The following AK5 variants were observed in gnomAD, a reference collection of about 807,000 sequenced individuals.
The protein encoded by AK5 is adenylate kinase 5.
AK5 carries 27 observed loss-of-function variants against 69.5 expected under a neutral mutation model. The observed-to-expected ratio is 0.39, with a 90% CI of 0.29 to 0.54. The LOEUF (loss-of-function observed/expected upper bound fraction) is 0.54, where lower values mean the gene tolerates loss of function less well. Among genes scored for constraint, AK5 ranks in the 20% least tolerant of loss-of-function variants. The probability of loss-of-function intolerance (pLI) is 0.71; values close to 1 mark genes in which losing one functional copy is unlikely to be tolerated. For synonymous variants in AK5, 260 were observed against 244.4 expected (o/e 1.06, Z -0.60); for missense variants, 531 against 700.4 (o/e 0.76, Z 2.73).
intron 6 of AK5, among the ~76,000 whole-genome samples, chr1:77,385,224 A>G (rs1176250973): frequency 1.3e-5 from 2 of 152,072 alleles, no homozygotes; most frequent in African/African-American, 4.8e-5. Flanking sequence ...CAGTGGCACA[A>G]TCTCGGCTCA....
intron 5 of AK5, among the ~76,000 whole-genome samples, chr1:77,335,545 G>A (rs1661304913): frequency 6.6e-6 from 1 of 152,080 alleles, no homozygotes; most frequent in African/African-American, 2.4e-5. Flanking sequence ...ACTTTCTGGG[G>A]TCTTCACATC....
At chr1:77,310,443 G>A (rs904178791) in intron 5 of AK5, among the ~76,000 whole-genome samples, 2 of 151,816 alleles carry the variant, frequency 1.3e-5, no homozygotes, top group East Asian at 1.9e-4. Context: ...GCAGTGATGC[G>A]ATCTCGGCTC....
intron 13 of AK5, 38 bp downstream of exon 13, chr1:77,536,076 TA>T (rs1172903193): frequency 6.6e-7 from 1 of 1,524,988 alleles, no homozygotes; most frequent in South Asian, 1.3e-5. Context: ...ATGAGCCGCT[TA>T]CCTTTTTTTT....
chr1:77,438,424 A>G (rs1389312034), intron 8 of AK5, among the ~76,000 whole-genome samples: 4 of 151,858 alleles, frequency 2.6e-5, no homozygotes, highest in Non-Finnish European at 5.9e-5. Flanking sequence ...AAAAACTGGC[A>G]TGCCTTAATG....
In AK5 at chr1:77,482,070, A is replaced by T. The variant is rs116201190; in HGVS notation, c.1060-1247A>T. Among the ~76,000 whole-genome samples, 721 of 152,372 alleles carry T rather than the reference A, an allele frequency of 4.7e-3. 3 individuals carry two copies. The highest frequency in any genetic ancestry group is 0.017 in the African/African-American group (689 of 41,590). On this transcript the variant is annotated intron_variant, in intron 8 of 13. Coordinates refer to ENST00000354567, the MANE Select transcript of AK5 (RefSeq NM_174858.3). ...GAGCAATGTATTATAGAATAGTATT[A>T]TATCGTAAACACATATGCATGTATA...
intron 8 of AK5, among the ~76,000 whole-genome samples, chr1:77,431,317 C>T (rs2100612023): frequency 6.6e-6 from 1 of 152,264 alleles, no homozygotes; most frequent in African/African-American, 2.4e-5. Flanking sequence ...CAATCATTTT[C>T]ATTTTTTTCA....
chr1:77,530,906 C>T (rs1324020284), intron 12 of AK5, among the ~76,000 whole-genome samples: 1 of 152,100 alleles, frequency 6.6e-6, no homozygotes, highest in African/African-American at 2.4e-5. Flanking sequence ...TCCTCCCGCT[C>T]CACTTGCTGG....
rs532404087 is a variant in AK5 at position 77,350,971 on chromosome 1, A to G, written c.891+10403A>G. ...AAGTTAATGAATTAATTCAATCGTT[A>G]TACATGGAACCATTTATTTTCATGG... On this transcript the variant is annotated intron_variant, in intron 6 of 13. Coordinates refer to ENST00000354567, the MANE Select transcript of AK5 (RefSeq NM_174858.3). 9.1e-4 allele frequency among the ~76,000 whole-genome samples: 138 copies of G among 152,366 alleles called. 1 individual carries two copies. Among genetic ancestry groups the G allele is most frequent in the African/African-American group, 3.2e-3 (134 of 41,598 alleles).
At chr1:77,381,487 AG>A (rs1324881861) in intron 6 of AK5, among the ~76,000 whole-genome samples, 1 of 140,108 alleles carries the variant, frequency 7.1e-6, no homozygotes, top group Non-Finnish European at 1.5e-5. Flanking sequence ...CACATGTACA[AG>A]ACACCATGCT....
chr1:77,410,328 A>G (rs1181674725), intron 6 of AK5, among the ~76,000 whole-genome samples: 1 of 152,002 alleles, frequency 6.6e-6, no homozygotes, highest in East Asian at 1.9e-4. Context: ...CCCAGGCTGG[A>G]GTACAGCAGC....
chr1:77,497,454 C>T (rs559818736), intron 10 of AK5, among the ~76,000 whole-genome samples: 9 of 152,288 alleles, frequency 5.9e-5, no homozygotes, highest in African/African-American at 1.7e-4. Context: ...ACAGTCACCA[C>T]GAGGGTCCGT....
chr1:77,414,774 A>G (rs557228405), intron 7 of AK5, among the ~76,000 whole-genome samples: 1 of 152,318 alleles, frequency 6.6e-6, no homozygotes, highest in Non-Finnish European at 1.5e-5. Flanking sequence ...TTGAGTAACA[A>G]TATCATTGCA....
chr1:77,382,651 A>G (rs1038553828), intron 6 of AK5, among the ~76,000 whole-genome samples: 2 of 152,184 alleles, frequency 1.3e-5, no homozygotes, highest in African/African-American at 2.4e-5. Context: ...CGCCCAGCCT[A>G]GAACACATTT....
chr1:77,499,756 G>C (rs530379941), intron 10 of AK5, among the ~76,000 whole-genome samples: 1 of 151,658 alleles, frequency 6.6e-6, no homozygotes, highest in East Asian at 1.9e-4. Flanking sequence ...CTCCTAGAGA[G>C]ACCCCTTGGG....
At chr1:77,310,006 A>G (rs753181983) in intron 5 of AK5, among the ~76,000 whole-genome samples, 8 of 152,088 alleles carry the variant, frequency 5.3e-5, no homozygotes, top group Admixed American at 1.3e-4. Flanking sequence ...ATCTTAAGAA[A>G]GTGTTCCCCA....
intron 8 of AK5, among the ~76,000 whole-genome samples, chr1:77,420,085 A>T (rs959688630): frequency 3.3e-5 from 5 of 152,194 alleles, no homozygotes; most frequent in Admixed American, 3.3e-4. Context: ...GTAAACAATA[A>T]ACATAGTAAA....
intron 6 of AK5, among the ~76,000 whole-genome samples, chr1:77,377,157 A>G (rs1647304142): frequency 6.6e-6 from 1 of 152,110 alleles, no homozygotes; most frequent in Admixed American, 6.5e-5. Flanking sequence ...GACTCTTGTC[A>G]TACTCTTTAT....
chr1:77,513,522 G>A (rs1323519471), intron 10 of AK5, among the ~76,000 whole-genome samples: 3 of 152,228 alleles, frequency 2.0e-5, no homozygotes, highest in Non-Finnish European at 4.4e-5. Flanking sequence ...CCTGGAGTTA[G>A]TAAGATGCAA....
In AK5 at chr1:77,306,484, G is replaced by GTT. The variant is rs1553129847; in HGVS notation, c.699+8545_699+8546dup. ...TGCATTGTTGAATTCAATTTGCTAG[G>GTT]TTTTTTTTTGTTTTTTTTTTTTTTT... On this transcript the variant is annotated intron_variant, in intron 5 of 13. Transcript: ENST00000354567. Among the ~76,000 whole-genome samples the GTT allele has an allele frequency of 5.9e-5, 8 of 134,544 alleles. No individual in the cohort carries two copies. In the East Asian group the frequency reaches 6.4e-4, roughly 11 times the overall value. The allele number at this position is 134,544 out of a possible 152,430, so 88.3% of individuals were successfully genotyped here. A position where few individuals can be genotyped will look rare whatever the true frequency, so the allele number is the denominator to read the frequency against.
Sources: allele counts gnomAD v4.1 joint callset (sites outside exome capture counted in the v4.1 genomes callset), GRCh38; gene constraint gnomAD v4.1.1; transcripts MANE v1.5; gene names NCBI Gene and HGNC (gene_info 2026-07-23, HGNC 2026-07-21).